GMDS: variants seen among roughly 807,000 people sequenced by gnomAD.
GMDS encodes the protein GDP-mannose 4,6 dehydratase.
A neutral mutation model predicts 49.9 loss-of-function variants in GMDS; 20 were observed. That is an observed-to-expected ratio of 0.40 (90% CI 0.28 to 0.58). The LOEUF is 0.58. Ranked by LOEUF, GMDS falls within the 20% of genes least tolerant of loss-of-function variation. GMDS has a pLI of 0.42. For missense variants in GMDS, 362 were observed against 481.4 expected (o/e 0.75, Z 2.32); for synonymous variants, 177 against 178.6 (o/e 0.99, Z 0.07).
intron 7 of GMDS, among the ~76,000 whole-genome samples, chr6:1,897,081 G>A (rs563521578): frequency 2.6e-5 from 4 of 152,302 alleles, no homozygotes; most frequent in Admixed American, 1.3e-4. Flanking sequence ...CAAGGGAGGC[G>A]AAGGCTGCTT....
chr6:1,869,147 C>T (rs577766478), intron 7 of GMDS, among the ~76,000 whole-genome samples: 6 of 152,256 alleles, frequency 3.9e-5, no homozygotes, highest in Middle Eastern at 3.4e-3. Flanking sequence ...AGATAGCTCA[C>T]GCTGCTTGTA....
intron 9 of GMDS, chr6:1,624,828 T>C (rs766298068): frequency 0.15 from 5,320 of 36,548 alleles, 334 homozygotes; most frequent in Middle Eastern, 0.25. Context: ...CTCTTAATGC[T>C]TTTTTTTTTT....
At chr6:1,715,432 GTGCCAGGTC>G (rs1482683748) in intron 9 of GMDS, among the ~76,000 whole-genome samples, 7 of 152,330 alleles carry the variant, frequency 4.6e-5, no homozygotes, top group Non-Finnish European at 7.4e-5. Context: ...CCCTGACAAT[GTGCCAGGTC>G]GTCTTCAAGG....
intron 9 of GMDS, among the ~76,000 whole-genome samples, chr6:1,685,228 T>C (rs374622287): frequency 6.6e-6 from 1 of 151,182 alleles, no homozygotes; most frequent in African/African-American, 2.4e-5. Context: ...GAGACCCCCG[T>C]CTCTACTATA....
chr6:1,950,378 TATAACTA>T (rs1763281114), intron 6 of GMDS, among the ~76,000 whole-genome samples: 1 of 152,230 alleles, frequency 6.6e-6, no homozygotes, highest in Non-Finnish European at 1.5e-5. Context: ...GTGTTATTCT[TATAACTA>T]ATAACAAAAA....
intron 1 of GMDS, among the ~76,000 whole-genome samples, chr6:2,190,874 C>T (rs1325712473): frequency 6.6e-5 from 10 of 152,128 alleles, no homozygotes; most frequent in African/African-American, 2.4e-5. Context: ...TGCCCCGTGT[C>T]CCCAAGGCAG....
intron 7 of GMDS, among the ~76,000 whole-genome samples, chr6:1,775,044 T>C (rs1768740330): frequency 6.6e-6 from 1 of 152,152 alleles, no homozygotes; most frequent in Non-Finnish European, 1.5e-5. Context: ...CTTAATAAAA[T>C]CTGTAACAGC....
chr6:2,122,247 C>T (rs979125643), intron 2 of GMDS, among the ~76,000 whole-genome samples: 4 of 152,094 alleles, frequency 2.6e-5, no homozygotes, highest in Admixed American at 6.5e-5. Context: ...TCTGTAGTAC[C>T]CAGGCAAGCA....
At chr6:1,654,474 T>G (rs1763808316) in intron 9 of GMDS, among the ~76,000 whole-genome samples, 1 of 152,220 alleles carries the variant, frequency 6.6e-6, no homozygotes, top group Non-Finnish European at 1.5e-5. Flanking sequence ...GGATAAATCA[T>G]GCATCGACTA....
chr6:2,019,684 A>C (rs1462036848), intron 4 of GMDS, among the ~76,000 whole-genome samples: 1 of 152,104 alleles, frequency 6.6e-6, no homozygotes, highest in Non-Finnish European at 1.5e-5. Context: ...CCTTGACCTC[A>C]GGTGATCCAC....
At chr6:1,738,310 G>A (rs1767128926) in intron 8 of GMDS, among the ~76,000 whole-genome samples, 1 of 152,150 alleles carries the variant, frequency 6.6e-6, no homozygotes, top group African/African-American at 2.4e-5. Context: ...CATTTTATCA[G>A]GACTGCATGT....
intron 9 of GMDS, among the ~76,000 whole-genome samples, chr6:1,648,526 G>A (rs1045779396): frequency 6.6e-6 from 1 of 152,168 alleles, no homozygotes; most frequent in Non-Finnish European, 1.5e-5. Context: ...TAATTTATGT[G>A]GGGAAAACTT....
At chr6:2,065,901 G>A (rs911327260) in intron 4 of GMDS, among the ~76,000 whole-genome samples, 1 of 152,102 alleles carries the variant, frequency 6.6e-6, no homozygotes, top group Non-Finnish European at 1.5e-5. Context: ...CCAACATTCA[G>A]GTTCAGGAAA....
chr6:2,071,952 G>T (rs970254222), intron 4 of GMDS, among the ~76,000 whole-genome samples: 2 of 152,128 alleles, frequency 1.3e-5, no homozygotes, highest in Non-Finnish European at 2.9e-5. Context: ...CAACGAAGGG[G>T]GGAAAAAAGA....
intron 9 of GMDS, among the ~76,000 whole-genome samples, chr6:1,629,239 A>G (rs138136789): frequency 7.6e-4 from 116 of 152,314 alleles, no homozygotes; most frequent in African/African-American, 2.7e-3. Flanking sequence ...ATCCTTCCCA[A>G]AGAGGGAGCG....
At chr6:1,664,595 C>T (rs1483855022) in intron 9 of GMDS, among the ~76,000 whole-genome samples, 1 of 152,184 alleles carries the variant, frequency 6.6e-6, no homozygotes, top group Admixed American at 6.5e-5. Flanking sequence ...AAGCAATGTG[C>T]TTTTGAGTAT....
chr6:1,969,077 C>T (rs2449970), intron 4 of GMDS, among the ~76,000 whole-genome samples: 5,199 of 151,452 alleles, frequency 0.034, 296 homozygotes, highest in African/African-American at 0.12. Flanking sequence ...CTGGCTAACA[C>T]GGTGAAACCC....
At chr6:1,959,452 A>G (rs1763818990) in intron 6 of GMDS, among the ~76,000 whole-genome samples, 1 of 152,226 alleles carries the variant, frequency 6.6e-6, no homozygotes, top group Non-Finnish European at 1.5e-5. Context: ...AAAGAATACC[A>G]AATATCTAAC....
At chr6:1,870,064 C>A (rs575870082) in intron 7 of GMDS, among the ~76,000 whole-genome samples, 1 of 152,246 alleles carries the variant, frequency 6.6e-6, no homozygotes, top group Non-Finnish European at 1.5e-5. Context: ...CCTTCCTGGG[C>A]AGATAGGAAG....
Sources: gnomAD v4.1 joint callset for allele counts (sites outside exome capture counted in the v4.1 genomes callset) on GRCh38, gnomAD v4.1.1 for gene constraint, MANE v1.5 for transcripts, NCBI Gene and HGNC (gene_info 2026-07-23, HGNC 2026-07-21) for gene names.